The following CCDC178 variants were observed in gnomAD, a reference collection of about 807,000 sequenced individuals.
The protein encoded by CCDC178 is coiled-coil domain containing 178.
CCDC178 carries 126 observed loss-of-function variants against 117.4 expected under a neutral mutation model. The observed-to-expected ratio is 1.07, with a 90% CI of 0.93 to 1.24. The LOEUF is 1.24. Among genes scored for constraint, CCDC178 ranks in the 50% most tolerant of loss-of-function variants. The probability of loss-of-function intolerance (pLI) is 0.00; values close to 1 mark genes in which losing one functional copy is unlikely to be tolerated. For missense variants in CCDC178, 1,030 were observed against 986.9 expected, an observed-to-expected ratio of 1.04 and a Z score of -0.59; for synonymous variants, 283 against 313.4, an observed-to-expected ratio of 0.90 and a Z score of 1.02.
chr18:33,274,249 A>G (rs767815284), intron 12 of CCDC178, among the ~76,000 whole-genome samples: 2 of 151,880 alleles, frequency 1.3e-5, no homozygotes, highest in Non-Finnish European at 2.9e-5. Context: ...AAAAGGACAG[A>G]TAATACTGAT....
At chr18:33,185,212 A>G (rs1378454140) in intron 20 of CCDC178, among the ~76,000 whole-genome samples, 6 of 152,028 alleles carry the variant, frequency 3.9e-5, no homozygotes, top group Non-Finnish European at 8.8e-5. Context: ...TACTACGAGA[A>G]AGGGGAAACT....
chr18:33,216,591 A>T (rs1003460389), intron 18 of CCDC178, among the ~76,000 whole-genome samples: 1 of 152,014 alleles, frequency 6.6e-6, no homozygotes, highest in Non-Finnish European at 1.5e-5. Context: ...TATTTTCCCC[A>T]TATGCTTCCA....
intron 9 of CCDC178, among the ~76,000 whole-genome samples, chr18:33,333,766 C>A (rs560854716): frequency 1.3e-5 from 2 of 151,916 alleles, no homozygotes; most frequent in African/African-American, 4.8e-5. Flanking sequence ...CCTGCCTCGG[C>A]GTCCCAAAGT....
rs778567322 is a variant in CCDC178, at chr18:33,397,144, G to T, written c.118+5C>A. 6.4e-7 allele frequency: 1 copy of T among 1,572,998 alleles called. No individual in the cohort carries two copies. Among genetic ancestry groups the T allele is most frequent in the Non-Finnish European group, 8.7e-7 (1 of 1,145,522 alleles). On this transcript the variant is annotated splice_donor_5th_base_variant and intron_variant, in intron 4 of 22. Coordinates refer to ENST00000383096, the MANE Select transcript of CCDC178 (RefSeq NM_001105528.4). ...TGAAAATTATATATAATAGCTGTTG[G>T]ATACCTTCATTTGTCCTTGACCATG... is the stretch of plus-strand genomic sequence containing the variant.
At chr18:33,084,276 T>C (rs980974548) in intron 21 of CCDC178, among the ~76,000 whole-genome samples, 3 of 152,228 alleles carry the variant, frequency 2.0e-5, no homozygotes, top group African/African-American at 7.2e-5. Flanking sequence ...TTAATTTGTT[T>C]GGAAGTGCTT....
chr18:33,253,264 C>T (rs536440064), intron 14 of CCDC178, among the ~76,000 whole-genome samples: 20 of 151,876 alleles, frequency 1.3e-4, no homozygotes, highest in African/African-American at 4.3e-4. Context: ...TGTGTTTTAA[C>T]GTTGGCATTC....
chr18:33,069,643 G>A (rs552378592), intron 21 of CCDC178, among the ~76,000 whole-genome samples: 2 of 152,084 alleles, frequency 1.3e-5, no homozygotes, highest in South Asian at 2.1e-4. Context: ...CACTTCAAAA[G>A]TACAGGCAAC....
chr18:33,350,922 A>G (rs2062968054), intron 7 of CCDC178, among the ~76,000 whole-genome samples: 3 of 152,140 alleles, frequency 2.0e-5, no homozygotes, highest in Admixed American at 2.0e-4. Flanking sequence ...AGAAAAGTGG[A>G]AAGAGTGGGC....
At chr18:33,228,566 C>G (rs2059335035) in intron 15 of CCDC178, among the ~76,000 whole-genome samples, 1 of 152,216 alleles carries the variant, frequency 6.6e-6, no homozygotes, top group Non-Finnish European at 1.5e-5. Flanking sequence ...ACAAAACCAA[C>G]TCAGCCTGTT....
intron 20 of CCDC178, among the ~76,000 whole-genome samples, chr18:33,127,457 A>T (rs190390526): frequency 1.5e-3 from 222 of 152,208 alleles, no homozygotes; most frequent in Middle Eastern, 6.8e-3. Flanking sequence ...TTTTTTTGAG[A>T]TGGAGTCTCA....
At chr18:33,020,327 A>G (rs2056088548) in intron 21 of CCDC178, among the ~76,000 whole-genome samples, 1 of 152,122 alleles carries the variant, frequency 6.6e-6, no homozygotes, top group Non-Finnish European at 1.5e-5. Flanking sequence ...AACAAATTAT[A>G]GTGATCCAAA....
chr18:33,079,822 T>G (rs2057269266), intron 21 of CCDC178, among the ~76,000 whole-genome samples: 1 of 152,154 alleles, frequency 6.6e-6, no homozygotes, highest in South Asian at 2.1e-4. Context: ...CTAATACACT[T>G]GGTGGGAGTG....
chr18:33,305,306 G>A (rs1293782040), intron 11 of CCDC178, among the ~76,000 whole-genome samples: 1 of 152,166 alleles, frequency 6.6e-6, no homozygotes, highest in African/African-American at 2.4e-5. Context: ...TCATTGTTGT[G>A]AGGTCATAAG....
At chr18:33,003,403 T>C (rs1174295842) in intron 21 of CCDC178, among the ~76,000 whole-genome samples, 2 of 152,186 alleles carry the variant, frequency 1.3e-5, no homozygotes, top group African/African-American at 4.8e-5. Context: ...ATCAATGTGA[T>C]ACATCATGTC....
In CCDC178 at chr18:33,019,136, C is replaced by T. The variant is rs186028575; in HGVS notation, c.2389-44455G>A. 1.3e-5 allele frequency among the ~76,000 whole-genome samples: 2 copies of T among 152,128 alleles called. 1 individual carries two copies. Among genetic ancestry groups the T allele is most frequent in the Admixed American group, 1.3e-4 (2 of 15,280 alleles). On this transcript the variant is annotated intron_variant, in intron 21 of 22. Transcript: ENST00000383096. ...TAAGTGTGTTGAGGGCAGAAATAGC[C>T]CATCTTGCTTCCGTAGTGCCTGGAA... is the stretch of plus-strand genomic sequence containing the variant.
chr18:33,051,086 T>C (rs1204605755), intron 21 of CCDC178, among the ~76,000 whole-genome samples: 2 of 152,156 alleles, frequency 1.3e-5, no homozygotes, highest in African/African-American at 2.4e-5. Context: ...CTAATTTTTG[T>C]ATTTTTAGTA....
chr18:33,350,935 C>T (rs1304378855), intron 7 of CCDC178, among the ~76,000 whole-genome samples: 4 of 151,764 alleles, frequency 2.6e-5, no homozygotes, highest in African/African-American at 9.7e-5. Context: ...GAGTGGGCAT[C>T]CTTGTTTTGC....
intron 20 of CCDC178, among the ~76,000 whole-genome samples, chr18:33,127,013 T>C (rs868700854): frequency 7.6e-5 from 11 of 144,900 alleles, no homozygotes; most frequent in African/African-American, 2.4e-4. Flanking sequence ...TATATATATA[T>C]ATACACACAC....
intron 12 of CCDC178, among the ~76,000 whole-genome samples, chr18:33,292,229 T>A (rs2060174977): frequency 6.6e-6 from 1 of 152,186 alleles, no homozygotes; most frequent in Non-Finnish European, 1.5e-5. Context: ...CACAATGGAA[T>A]ACTATTCAGC....
Sources: allele counts gnomAD v4.1 joint callset (sites outside exome capture counted in the v4.1 genomes callset), GRCh38; gene constraint gnomAD v4.1.1; transcripts MANE v1.5; gene names NCBI Gene and HGNC (gene_info 2026-07-23, HGNC 2026-07-21).